SLC27A1: variants seen among roughly 807,000 people sequenced by gnomAD.
SLC27A1 encodes solute carrier family 27 member 1, also known as long-chain fatty acid transport protein 1.
A neutral mutation model predicts 62.2 loss-of-function variants in SLC27A1; 61 were observed. The ratio of observed to expected loss-of-function variants is 0.98; its 90% confidence interval spans 0.80 to 1.21. SLC27A1 has a LOEUF of 1.21. Ranked by LOEUF, SLC27A1 falls within the 50% of genes most tolerant of loss-of-function variation. SLC27A1 has a pLI of 0.00. For missense variants in SLC27A1, 903 were observed against 932.1 expected (o/e 0.97, Z 0.41); for synonymous variants, 435 against 408.6 (o/e 1.06, Z -0.78).
upstream of SLC27A1, among the ~76,000 whole-genome samples, chr19:17,470,226 A>C (rs945534436): frequency 1.3e-5 from 2 of 151,290 alleles, no homozygotes; most frequent in South Asian, 2.1e-4. Context: ...AAAATATGGA[A>C]TAGAGCGGAC....
At chr19:17,469,730 G>T (rs375525669), upstream of SLC27A1, among the ~76,000 whole-genome samples, 445 of 151,996 alleles carry the variant, frequency 2.9e-3, 17 homozygotes, top group South Asian at 0.074. Flanking sequence ...CTAGGTCCTA[G>T]GGGGGCCGGA....
chr19:17,478,086 A>G (rs189933418), intron 1 of SLC27A1, among the ~76,000 whole-genome samples: 2 of 151,934 alleles, frequency 1.3e-5, no homozygotes, highest in African/African-American at 4.8e-5. Flanking sequence ...TAACACACAT[A>G]TTTTCTCCAT....
intron 1 of SLC27A1, among the ~76,000 whole-genome samples, chr19:17,474,348 A>G (rs560900588): frequency 6.6e-6 from 1 of 152,090 alleles, no homozygotes; most frequent in Non-Finnish European, 1.5e-5. Context: ...CCTGCGCCCC[A>G]CTCAGGATTG....
At chr19:17,487,655 G>A (rs1296215839) in intron 4 of SLC27A1, 126 bp downstream of exon 4, 1 of 939,168 alleles carries the variant, frequency 1.1e-6, no homozygotes, top group Admixed American at 2.2e-5. Context: ...AGGGCAGCTG[G>A]TGTTTCCTGA....
chr19:17,497,324 C>T lies in SLC27A1; in HGVS notation c.1066C>T (p.His356Tyr). 2 of 1,605,866 alleles carry T rather than the reference C, an allele frequency of 1.2e-6. No individual in the cohort carries two copies. The highest frequency in any genetic ancestry group is 1.7e-6 in the Non-Finnish European group (2 of 1,177,478). Reference sequence around the variant, plus strand: ...GCCGGTGCGCGAGGCGGAGAGGCGACACCGCGTGCGCCTGGCGGTGGGGAA... The same window carrying T: ...GCCGGTGCGCGAGGCGGAGAGGCGATACCGCGTGCGCCTGGCGGTGGGGAA... ...KQPVREAERR[H>Y]RVRLAVGNGL... The change falls in exon 7 of 12, where the codon CAC becomes TAC. Residue 356 changes from histidine to tyrosine, a missense_variant. Transcript: ENST00000252595.
chr19:17,487,176 GT>G lies in SLC27A1; in HGVS notation c.566del (p.Val189GlyfsTer4). ...LIFGGEMVAA[V>X]AEVSGHLGKS... is the part of the protein sequence containing the mutation. The stretch of plus-strand genomic sequence containing the variant: ...GACCCATGTGTTGGGGACCACAGCG[GT>G]GGCCGAAGTGAGCGGGCATCTGGGG... On this transcript the variant is annotated frameshift_variant, in exon 3 of 12. Coordinates refer to ENST00000252595, the MANE Select transcript of SLC27A1 (RefSeq NM_198580.3). LOFTEE classifies it high-confidence loss of function. The G allele has an allele frequency of 6.2e-7, 1 of 1,614,090 alleles. No homozygotes were observed.
intron 1 of SLC27A1, among the ~76,000 whole-genome samples, chr19:17,481,624 C>T (rs924482961): frequency 6.6e-6 from 1 of 152,206 alleles, no homozygotes; most frequent in African/African-American, 2.4e-5. Context: ...CTGCTTCAGC[C>T]TTCTGAGTAG....
rs1036949777 is a variant in SLC27A1 at position 17,505,061 on chromosome 19, T to C, written c.*449T>C. On this transcript the variant is annotated 3_prime_UTR_variant, in exon 12 of 12. Transcript: ENST00000252595. ...GGCACCCGCCACCACGTCCAGCTAA[T>C]TTTTATATTTTTAGTAGAGACGGGG... The C allele has an allele frequency of 7.5e-5, 27 of 357,874 alleles. No individual in the cohort carries two copies. The highest frequency in any genetic ancestry group is 5.6e-4 in the African/African-American group (26 of 46,672). The allele number at this position is 357,874 out of a possible 1,614,324, so 22.2% of individuals were successfully genotyped here.
Position 17,480,988 on chromosome 19 carries a change from C to T in SLC27A1, c.168-5575C>T, listed in dbSNP as rs139026717. On this transcript the variant is annotated intron_variant, in intron 1 of 11. Coordinates refer to ENST00000252595, the MANE Select transcript of SLC27A1 (RefSeq NM_198580.3). ...TTGCCCAGCCTGGAGTGCAATGACG[C>T]GATCTCGGCTCACCGCAACCTCTGC... Among the ~76,000 whole-genome samples, 27 of 151,606 alleles carry T rather than the reference C, an allele frequency of 1.8e-4. No homozygotes were observed. In the East Asian group the frequency reaches 2.5e-3, roughly 14 times the overall value.
intron 1 of SLC27A1, among the ~76,000 whole-genome samples, chr19:17,474,855 C>G (rs1320508466): frequency 1.3e-5 from 2 of 151,722 alleles, no homozygotes; most frequent in East Asian, 3.9e-4. Flanking sequence ...GTCTTGAACT[C>G]CCGACCTCAG....
rs1285221964 is a variant in SLC27A1, at chr19:17,500,821, G to C, written c.1581G>C (p.Val527=). The C allele has an allele frequency of 2.5e-6, 4 of 1,611,088 alleles. No individual in the cohort carries two copies. The South Asian group carries it at 4.4e-5, about 18-fold the overall frequency. ...ENVSTTEVEG[V]LSRLLGQTDV... is the part of the protein sequence containing the mutation. Reference sequence around the variant, plus strand: ...TCTCCACCACCGAGGTGGAGGGCGTGCTGAGCCGCCTGCTGGGCCAGACAG... The same window carrying C: ...TCTCCACCACCGAGGTGGAGGGCGTCCTGAGCCGCCTGCTGGGCCAGACAG... The change falls in exon 10 of 12, where the codon GTG becomes GTC. Residue 527 remains valine (V), a synonymous_variant. Coordinates refer to ENST00000252595, the MANE Select transcript of SLC27A1 (RefSeq NM_198580.3).
At chr19:17,484,325 G>C (rs1012798328) in intron 1 of SLC27A1, among the ~76,000 whole-genome samples, 8 of 152,182 alleles carry the variant, frequency 5.3e-5, no homozygotes, top group African/African-American at 9.7e-5. Flanking sequence ...CAGATGCGGT[G>C]GCCCACGCCT....
upstream of SLC27A1, among the ~76,000 whole-genome samples, chr19:17,469,166 G>A (rs1484130174): frequency 6.6e-6 from 1 of 152,106 alleles, no homozygotes; most frequent in African/African-American, 2.4e-5. Context: ...GGGATCCTGG[G>A]GTGTGACGGT....
At chr19:17,503,051 AGT>A (rs915127266) in intron 11 of SLC27A1, among the ~76,000 whole-genome samples, 4 of 152,198 alleles carry the variant, frequency 2.6e-5, no homozygotes, top group Non-Finnish European at 5.9e-5. Flanking sequence ...AGGGCAAGAG[AGT>A]GTGTGCAAGG....
chr19:17,494,020 C>CTTTTTTTTTTTTT (rs35491603), intron 6 of SLC27A1, among the ~76,000 whole-genome samples: 1 of 135,788 alleles, frequency 7.4e-6, no homozygotes, highest in African/African-American at 2.7e-5. Flanking sequence ...GTAGCTGTTT[C>CTTTTTTTTTTTTT]TTTTTTTTTT....
chr19:17,487,031 C>T (rs1368188857), intron 2 of SLC27A1, 74 bp downstream of exon 2: 1 of 1,540,866 alleles, frequency 6.5e-7, no homozygotes, highest in African/African-American at 1.4e-5. Flanking sequence ...GATGCTGCGC[C>T]CCAGGCCTCG....
intron 1 of SLC27A1, among the ~76,000 whole-genome samples, chr19:17,481,313 CTT>C (rs1041522913): frequency 8.6e-5 from 11 of 127,266 alleles, no homozygotes; most frequent in South Asian, 7.4e-4. Flanking sequence ...GGTTTAGTTC[CTT>C]TTTTTTTTTT....
chr19:17,485,405 G>T (rs529841836), intron 1 of SLC27A1, among the ~76,000 whole-genome samples: 1 of 151,560 alleles, frequency 6.6e-6, no homozygotes, highest in African/African-American at 2.4e-5. Context: ...AGCCAGGATG[G>T]TCTCAATCTG....
chr19:17,485,399 AG>A (rs2075219464), intron 1 of SLC27A1, among the ~76,000 whole-genome samples: 1 of 151,364 alleles, frequency 6.6e-6, no homozygotes, highest in Non-Finnish European at 1.5e-5. Flanking sequence ...CGTGTTAGCC[AG>A]GATGGTCTCA....
Sources: gnomAD v4.1 joint callset for allele counts (sites outside exome capture counted in the v4.1 genomes callset) on GRCh38, gnomAD v4.1.1 for gene constraint, MANE v1.5 for transcripts, NCBI Gene and HGNC (gene_info 2026-07-23, HGNC 2026-07-21) for gene names.